Variants in CEP131 observed in about 807,000 individuals in gnomAD.
CEP131 encodes centrosomal protein of 131 kDa.
CEP131 carries 99 observed loss-of-function variants against 136.8 expected under a neutral mutation model. That is an observed-to-expected ratio of 0.72 (90% CI 0.62 to 0.86). The LOEUF (loss-of-function observed/expected upper bound fraction) is 0.86, where lower values mean the gene tolerates loss of function less well. Among genes scored for constraint, CEP131 ranks in the 40% least tolerant of loss-of-function variants. CEP131 has a pLI of 0.00. For synonymous variants in CEP131, 646 were observed against 612.7 expected, an observed-to-expected ratio of 1.05 and a Z score of -0.80; for missense variants, 1,459 against 1,463.0, an observed-to-expected ratio of 1.00 and a Z score of 0.04.
chr17:81,199,405 G>A lies in CEP131; in HGVS notation c.1168C>T (p.Gln390Ter), dbSNP rs774217133. ...LSPTPGGTAH[Q>*]ALKANNTGGG... Reference sequence around the variant, plus strand: ...CCAGTATTGTTGGCCTTGAGGGCCTGGTGGGCAGTGCCGCCTGGTGTGGGG... The same window carrying A: ...CCAGTATTGTTGGCCTTGAGGGCCTAGTGGGCAGTGCCGCCTGGTGTGGGG... Residue 390 changes from glutamine (Q) to a stop codon, truncating the protein, a stop_gained, in exon 10 of 26, where the codon CAG becomes TAG. Coordinates refer to ENST00000450824, the MANE Select transcript of CEP131 (RefSeq NM_014984.4). LOFTEE classifies it high-confidence loss of function. 6.2e-7 allele frequency: 1 copy of A among 1,605,684 alleles called. No homozygotes were observed. The highest frequency in any genetic ancestry group is 8.5e-7 in the Non-Finnish European group (1 of 1,177,656).
intron 24 of CEP131, among the ~76,000 whole-genome samples, chr17:81,190,232 C>T (rs1281835100): frequency 6.6e-6 from 1 of 152,160 alleles, no homozygotes; most frequent in Non-Finnish European, 1.5e-5. Context: ...ACACCTCGCC[C>T]ACACCCACCT....
At position 81,196,735 on chromosome 17, in the gene CEP131, G is replaced by A. The variant is rs557053152; in HGVS notation, c.1865C>T (p.Ala622Val). Residue 622 changes from alanine to valine, a missense_variant, in exon 15 of 26, where the codon GCC becomes GTC. Ala to Val is a moderately conservative substitution (Grantham distance 64). Transcript: ENST00000450824. Reference sequence around the variant, plus strand: ...GAAGGCCAAGTGCCGCTGGATGGTGGCCTCGTAGTGCTCCCTCTGCCGCTG... The same window carrying A: ...GAAGGCCAAGTGCCGCTGGATGGTGACCTCGTAGTGCTCCCTCTGCCGCTG... Reference protein sequence around the residue: ...QLQRQREHYEATIQRHLAFID... With the variant: ...QLQRQREHYEVTIQRHLAFID... The A allele has an allele frequency of 4.4e-6, 7 of 1,603,612 alleles. No homozygotes were observed. The South Asian group carries it at 7.8e-5, about 18-fold the overall frequency.
chr17:81,222,477 G>A (rs996112039), intron 1 of CEP131, among the ~76,000 whole-genome samples: 1 of 152,210 alleles, frequency 6.6e-6, no homozygotes, highest in African/African-American at 2.4e-5. Context: ...GGGAGTGGAG[G>A]GAGGTGGAGA....
At chr17:81,197,199 G>T in intron 13 of CEP131, 144 bp from the exon 14 acceptor site, 3 of 1,248,878 alleles carry the variant, frequency 2.4e-6, no homozygotes. Context: ...AGGGCAGGTG[G>T]CAGGCGGCCC....
chr17:81,190,770 G>A lies in CEP131; in HGVS notation c.2976C>T (p.Asn992=). The A allele has an allele frequency of 6.2e-7, 1 of 1,611,862 alleles. No individual in the cohort carries two copies. Among genetic ancestry groups the A allele is most frequent in the African/African-American group, 1.3e-5 (1 of 75,046 alleles). ...ACTCCTGGCGGATCACCTGGGCCAG[G>A]TTGCTGCGCTCGCTAGAAAGCTGCT... ...VNEQLSSERS[N]LAQVIRQEFE... is the part of the protein sequence containing the mutation. Residue 992 remains asparagine, a synonymous_variant, in exon 24 of 26, where the codon AAC becomes AAT. Transcript: ENST00000450824.
intron 2 of CEP131, among the ~76,000 whole-genome samples, chr17:81,211,471 G>A (rs1413083573): frequency 6.6e-6 from 1 of 152,232 alleles, no homozygotes; most frequent in Non-Finnish European, 1.5e-5. Context: ...CACAGGCTTG[G>A]TGACCTGGAG....
Position 81,202,298 on chromosome 17 carries a change from T to G in CEP131, c.730A>C (p.Thr244Pro). The G allele has an allele frequency of 6.2e-7, 1 of 1,611,432 alleles. No individual in the cohort carries two copies. The highest frequency in any genetic ancestry group is 8.5e-7 in the Non-Finnish European group (1 of 1,178,652). ...CTGGGCAAGCCCGTGCTGCCCCCAGTATTGTTCCGGGCTGAGTGGGTGGCA... is the reference window on the plus strand; with the variant it reads ...CTGGGCAAGCCCGTGCTGCCCCCAGGATTGTTCCGGGCTGAGTGGGTGGCA... ...SSATHSARNN[T>P]GGSTGLPRRK... The change falls in exon 7 of 26, where the codon ACT becomes CCT. Residue 244 changes from threonine (T) to proline (P), a missense_variant. Transcript: ENST00000450824.
chr17:81,192,685 G>GGGGGGGGGGGGGGGGGCCCCCCC, intron 19 of CEP131, 51 bp downstream of exon 19: 3 of 478,420 alleles, frequency 6.3e-6, no homozygotes, highest in East Asian at 5.8e-5. Context: ...GGGGGGAGGG[G>GGGGGGGGGGGGGGGGGCCCCCCC]TCAGCCAGCG....
At chr17:81,206,291 T>A in intron 5 of CEP131, among the ~76,000 whole-genome samples, 1 of 152,058 alleles carries the variant, frequency 6.6e-6, no homozygotes, top group Non-Finnish European at 1.5e-5. Flanking sequence ...ACTATTCCCT[T>A]GGCAAAGGCT....
Position 81,192,761 on chromosome 17 carries a change from C to T in CEP131, c.2404G>A (p.Glu802Lys), listed in dbSNP as rs1388119857. Residue 802 changes from glutamate (E) to lysine (K), a missense_variant, in exon 19 of 26, where the codon GAG (glutamate) becomes AAG (lysine). By Grantham distance (56) the Glu-to-Lys change is moderately conservative (BLOSUM62 1). Coordinates refer to ENST00000450824, the MANE Select transcript of CEP131 (RefSeq NM_014984.4). ...CTGGCTGCCTGCTGGCCCAGCCGCT[C>T]CCTCTCCTCAGCCACCTCACTGTAC... ...RLYSEVAEERERLGQQAARQR... is the reference protein window; with the variant it reads ...RLYSEVAEERKRLGQQAARQR... 1 of 1,590,902 alleles carries T rather than the reference C, an allele frequency of 6.3e-7. No homozygotes were observed. The highest frequency in any genetic ancestry group is 1.3e-5 in the African/African-American group (1 of 74,726).
intron 7 of CEP131, among the ~76,000 whole-genome samples, chr17:81,200,659 C>G (rs942713420): frequency 1.3e-5 from 2 of 152,236 alleles, no homozygotes; most frequent in Non-Finnish European, 2.9e-5. Context: ...AACCTTCTTC[C>G]TGGGAAGGTG....
chr17:81,216,160 G>A (rs768943661), intron 2 of CEP131, among the ~76,000 whole-genome samples: 42 of 152,128 alleles, frequency 2.8e-4, no homozygotes, highest in Non-Finnish European at 4.9e-4. Flanking sequence ...AAGAGTTCAA[G>A]ACCAGCCTGA....
At chr17:81,205,971 C>A (rs977283646) in intron 5 of CEP131, among the ~76,000 whole-genome samples, 3 of 152,098 alleles carry the variant, frequency 2.0e-5, no homozygotes, top group Admixed American at 2.0e-4. Flanking sequence ...TTTGGGAGGC[C>A]AAGGCGGGTG....
At chr17:81,200,523 C>T (rs2061868436) in intron 7 of CEP131, 77 bp from the exon 8 acceptor site, 4 of 1,134,534 alleles carry the variant, frequency 3.5e-6, no homozygotes, top group Admixed American at 4.7e-5. Flanking sequence ...GGTGGAAGGT[C>T]GAGCCGGGGA....
chr17:81,201,712 C>T (rs2061894545), intron 7 of CEP131, among the ~76,000 whole-genome samples: 1 of 152,202 alleles, frequency 6.6e-6, no homozygotes, highest in Non-Finnish European at 1.5e-5. Flanking sequence ...CTCTCTGCCA[C>T]CCCTACACCA....
chr17:81,195,901 G>C lies in CEP131; in HGVS notation c.1950C>G (p.Ala650=). 1 of 1,609,888 alleles carries C rather than the reference G, an allele frequency of 6.2e-7. No homozygotes were observed. Among genetic ancestry groups the C allele is most frequent in the African/African-American group, 1.3e-5 (1 of 75,054 alleles). Reference sequence around the variant, plus strand: ...ATCTCTGGTCCTCCTGCTTCAGCTCGGCCACCACAGCCTCGCACTTTTCAC... The same window carrying C: ...ATCTCTGGTCCTCCTGCTTCAGCTCCGCCACCACAGCCTCGCACTTTTCAC... ...VLSEKCEAVV[A]ELKQEDQRCT... Residue 650 remains alanine, a synonymous_variant, in exon 16 of 26, where the codon GCC becomes GCG. Transcript: ENST00000450824.
chr17:81,207,339 G>A lies in CEP131; in HGVS notation c.273-100C>T, dbSNP rs538034159. On this transcript the variant is annotated intron_variant, in intron 3 of 25. Transcript: ENST00000450824. ...CAGGTCCCGCGAGGACAGAGGGGCT[G>A]AGGCACTAGCAGCAACTCTGTTTCT... 1.3e-4 allele frequency: 129 copies of A among 998,364 alleles called. No individual in the cohort carries two copies. In the African/African-American group the frequency reaches 1.9e-3, roughly 15 times the overall value. The allele number at this position is 998,364 out of a possible 1,614,324, so 61.8% of individuals were successfully genotyped here.
chr17:81,192,880 A>C (rs762650546), intron 18 of CEP131, 37 bp from the exon 19 acceptor site: 1 of 1,578,486 alleles, frequency 6.3e-7, no homozygotes, highest in Admixed American at 1.7e-5. Context: ...GGGGGCCGGG[A>C]CGGGCGGTCC....
chr17:81,200,506 G>T, intron 7 of CEP131, 60 bp from the exon 8 acceptor site: 1 of 1,287,324 alleles, frequency 7.8e-7, no homozygotes, highest in Non-Finnish European at 1.1e-6. Context: ...GGACCCAGCT[G>T]GCTGCTGGTG....
Sources: allele counts gnomAD v4.1 joint callset (sites outside exome capture counted in the v4.1 genomes callset), GRCh38; gene constraint gnomAD v4.1.1; transcripts MANE v1.5; gene names NCBI Gene and HGNC (gene_info 2026-07-23, HGNC 2026-07-21).